The following VWC2L variants were observed in gnomAD, a reference collection of about 807,000 sequenced individuals.
VWC2L encodes von Willebrand factor C domain-containing protein 2-like.
A neutral mutation model predicts 21.6 loss-of-function variants in VWC2L; 10 were observed. The ratio of observed to expected loss-of-function variants is 0.46; its 90% CI spans 0.29 to 0.78. The LOEUF is 0.78. VWC2L is among the 30% of genes least tolerant of loss of function. The pLI, the probability that VWC2L is intolerant of heterozygous loss-of-function variation, is 0.10. For missense variants in VWC2L, 209 were observed against 277.1 expected (o/e 0.75, Z 1.74); for synonymous variants, 96 against 94.3 (o/e 1.02, Z -0.10).
intron 3 of VWC2L, among the ~76,000 whole-genome samples, chr2:214,464,993 G>T (rs1574579421): frequency 6.6e-6 from 1 of 152,060 alleles, no homozygotes; most frequent in East Asian, 1.9e-4. Context: ...TAGTCAGCGT[G>T]TGGTGGATCC....
intron 3 of VWC2L, among the ~76,000 whole-genome samples, chr2:214,497,995 T>A (rs937091366): frequency 6.6e-6 from 1 of 152,186 alleles, no homozygotes; most frequent in African/African-American, 2.4e-5. Flanking sequence ...TTCCTCATCA[T>A]GTGACTGACA....
At chr2:214,496,598 G>A (rs191579436) in intron 3 of VWC2L, among the ~76,000 whole-genome samples, 1 of 152,292 alleles carries the variant, frequency 6.6e-6, no homozygotes, top group Non-Finnish European at 1.5e-5. Flanking sequence ...ACAGTACAGA[G>A]CAAAGACATT....
At chr2:214,459,108 A>G (rs781530355) in intron 3 of VWC2L, among the ~76,000 whole-genome samples, 6 of 152,128 alleles carry the variant, frequency 3.9e-5, no homozygotes, top group Non-Finnish European at 7.4e-5. Context: ...GTTGGTGCAC[A>G]TGTGTTTAGA....
At chr2:214,437,398 A>C (rs886096414) in intron 3 of VWC2L, among the ~76,000 whole-genome samples, 3 of 152,114 alleles carry the variant, frequency 2.0e-5, no homozygotes, top group Non-Finnish European at 4.4e-5. Context: ...TGAACCAACT[A>C]TAATATCCTA....
chr2:214,451,816 T>TTAA (rs1331438370), intron 3 of VWC2L, among the ~76,000 whole-genome samples: 1 of 152,218 alleles, frequency 6.6e-6, no homozygotes, highest in Non-Finnish European at 1.5e-5. Context: ...ATGGCAACTA[T>TTAA]TAATAAAATT....
intron 2 of VWC2L, 95 bp from the exon 3 acceptor site, chr2:214,436,534 T>C (rs1432633836): frequency 6.9e-7 from 1 of 1,455,774 alleles, no homozygotes. Context: ...GTAAAGCCAA[T>C]ATAATAAGCA....
At chr2:214,563,086 T>G (rs947473654) in intron 3 of VWC2L, among the ~76,000 whole-genome samples, 2 of 152,218 alleles carry the variant, frequency 1.3e-5, no homozygotes, top group African/African-American at 4.8e-5. Context: ...TTTATGGTTT[T>G]GGGTTTTACA....
intron 3 of VWC2L, among the ~76,000 whole-genome samples, chr2:214,477,608 A>T (rs1478985260): frequency 6.6e-6 from 1 of 152,234 alleles, no homozygotes; most frequent in South Asian, 2.1e-4. Flanking sequence ...TAATCCTCAG[A>T]ACTGTGATTA....
At chr2:214,521,156 C>T (rs920349027) in intron 3 of VWC2L, among the ~76,000 whole-genome samples, 4 of 151,602 alleles carry the variant, frequency 2.6e-5, no homozygotes, top group African/African-American at 7.3e-5. Flanking sequence ...ACCTGGTAGG[C>T]GAAGCTTGCA....
At chr2:214,491,808 G>A (rs1369631787) in intron 3 of VWC2L, among the ~76,000 whole-genome samples, 1 of 151,656 alleles carries the variant, frequency 6.6e-6, no homozygotes, top group Non-Finnish European at 1.5e-5. Flanking sequence ...TTCTACATGT[G>A]TAAAATAGAA....
chr2:214,520,916 T>A (rs1007687561), intron 3 of VWC2L, among the ~76,000 whole-genome samples: 3 of 152,058 alleles, frequency 2.0e-5, no homozygotes, highest in Non-Finnish European at 4.4e-5. Context: ...GTAATATATA[T>A]GATTATTCAA....
chr2:214,537,682 C>T (rs1445920598), intron 3 of VWC2L, among the ~76,000 whole-genome samples: 2 of 152,004 alleles, frequency 1.3e-5, no homozygotes, highest in Non-Finnish European at 1.5e-5. Context: ...TGTATACATA[C>T]ATCATAACAT....
intron 3 of VWC2L, among the ~76,000 whole-genome samples, chr2:214,555,497 A>G (rs1189173886): frequency 6.6e-6 from 1 of 152,166 alleles, no homozygotes; most frequent in South Asian, 2.1e-4. Flanking sequence ...CTTTATTTCC[A>G]GTATTTTGCT....
chr2:214,480,023 T>C (rs773264795), intron 3 of VWC2L, among the ~76,000 whole-genome samples: 2 of 152,160 alleles, frequency 1.3e-5, no homozygotes, highest in Non-Finnish European at 2.9e-5. Flanking sequence ...GTATAACAAC[T>C]ACTTACACAG....
intron 3 of VWC2L, among the ~76,000 whole-genome samples, chr2:214,539,068 T>C (rs1689586618): frequency 6.6e-6 from 1 of 152,158 alleles, no homozygotes; most frequent in African/African-American, 2.4e-5. Flanking sequence ...CTCATAAAAT[T>C]AAGCAACTAT....
chr2:214,436,484 A>G, intron 2 of VWC2L, 145 bp from the exon 3 acceptor site: 4 of 1,097,496 alleles, frequency 3.6e-6, no homozygotes, highest in Non-Finnish European at 5.1e-6. Context: ...CCTTCCACCA[A>G]GGGAGAATGA....
chr2:214,452,797 C>A (rs1342649573), intron 3 of VWC2L, among the ~76,000 whole-genome samples: 7 of 152,126 alleles, frequency 4.6e-5, no homozygotes, highest in Non-Finnish European at 8.8e-5. Flanking sequence ...ATGTATTGTT[C>A]TGTCATCGTG....
intron 3 of VWC2L, among the ~76,000 whole-genome samples, chr2:214,542,959 T>C (rs1462369657): frequency 6.6e-6 from 1 of 152,188 alleles, no homozygotes; most frequent in African/African-American, 2.4e-5. Context: ...CTAATGCCTT[T>C]TCCTTGCAAC....
intron 3 of VWC2L, among the ~76,000 whole-genome samples, chr2:214,460,824 T>C (rs1174799791): frequency 6.6e-6 from 1 of 152,216 alleles, no homozygotes; most frequent in Non-Finnish European, 1.5e-5. Flanking sequence ...TTACATTTCC[T>C]TGCTTTTTCA....
Sources: allele counts gnomAD v4.1 joint callset (sites outside exome capture counted in the v4.1 genomes callset), GRCh38; gene constraint gnomAD v4.1.1; transcripts MANE v1.5; gene names NCBI Gene and HGNC (gene_info 2026-07-23, HGNC 2026-07-21).